Variants in WDFY3 observed in about 807,000 individuals in gnomAD.
WDFY3 encodes WD repeat and FYVE domain containing 3.
A neutral mutation model predicts 409.6 loss-of-function variants in WDFY3; 66 were observed. That is an observed-to-expected ratio of 0.16 (90% confidence interval 0.13 to 0.20). The LOEUF (loss-of-function observed/expected upper bound fraction) is 0.20. Ranked by LOEUF, WDFY3 falls within the 10% of genes least tolerant of loss-of-function variation. WDFY3 has a pLI of 1.00. For synonymous variants in WDFY3, 1,521 were observed against 1,537.1 expected (o/e 0.99, Z 0.25); for missense variants, 3,031 against 4,298.1 (o/e 0.71, Z 8.24).
rs74919593 is a variant in WDFY3, at chr4:84,916,091, G to A, written c.-132+16179C>T. Among the ~76,000 whole-genome samples the A allele has an allele frequency of 3.6e-4, 55 of 152,284 alleles. 1 individual carries two copies. In the East Asian group the frequency reaches 0.01, roughly 29 times the overall value. On this transcript the variant is annotated intron_variant, in intron 2 of 67. Coordinates refer to ENST00000295888, the MANE Select transcript of WDFY3 (RefSeq NM_014991.6). ...GTTTTATCACACTGGATAGGTACAA[G>A]ACAACTATCTTTTTTGTGGACAAGC...
At position 84,737,021 on chromosome 4, in the gene WDFY3, G is replaced by A. The variant is rs796132192; in HGVS notation, c.6757+163C>T. Among the ~76,000 whole-genome samples the A allele has an allele frequency of 7.6e-3, 1,130 of 149,212 alleles. 12 individuals carry two copies. Among genetic ancestry groups the A allele is most frequent in the African/African-American group, 0.026 (1,070 of 40,412 alleles). Reference sequence around the variant, plus strand: ...AAAAAAAAAAAAAAAAAATCAAAGAGAACTAAGATCTCAGTATAATCATTC... The same window carrying A: ...AAAAAAAAAAAAAAAAAATCAAAGAAAACTAAGATCTCAGTATAATCATTC... On this transcript the variant is annotated intron_variant, in intron 41 of 67. Coordinates refer to ENST00000295888, the MANE Select transcript of WDFY3 (RefSeq NM_014991.6).
intron 59 of WDFY3, 91 bp from the exon 60 acceptor site, chr4:84,691,876 A>C: frequency 7.9e-7 from 1 of 1,267,566 alleles, no homozygotes; most frequent in Non-Finnish European, 1.1e-6. Flanking sequence ...TATTCATATA[A>C]ATCAAGCATC....
chr4:84,935,223 T>G (rs777110375), intron 1 of WDFY3, among the ~76,000 whole-genome samples: 1 of 152,202 alleles, frequency 6.6e-6, no homozygotes, highest in African/African-American at 2.4e-5. Context: ...TCCGAGTTTC[T>G]CTTAAGTACA....
chr4:84,787,907 A>G (rs1459924107), intron 22 of WDFY3, among the ~76,000 whole-genome samples, 194 bp from the exon 23 acceptor site: 2 of 152,182 alleles, frequency 1.3e-5, no homozygotes, highest in Non-Finnish European at 2.9e-5. Flanking sequence ...TAGTAGCTAA[A>G]ACTTTTATCC....
At chr4:84,946,218 T>C (rs1049174723) in intron 1 of WDFY3, among the ~76,000 whole-genome samples, 2 of 152,156 alleles carry the variant, frequency 1.3e-5, no homozygotes, top group African/African-American at 4.8e-5. Flanking sequence ...AAATATGTAA[T>C]CTGAAGTGAA....
intron 28 of WDFY3, 41 bp downstream of exon 28, chr4:84,775,024 T>A: frequency 1.2e-6 from 2 of 1,613,538 alleles, no homozygotes; most frequent in Non-Finnish European, 1.7e-6. Flanking sequence ...TATCACCTTT[T>A]CTATAGCTGA....
At chr4:84,768,224 T>C (rs934715916) in intron 30 of WDFY3, among the ~76,000 whole-genome samples, 4 of 152,254 alleles carry the variant, frequency 2.6e-5, no homozygotes, top group Non-Finnish European at 4.4e-5. Context: ...TGCAGTAAGT[T>C]ATACAGAAGA....
chr4:84,827,959 A>G (rs1755094442), intron 9 of WDFY3, among the ~76,000 whole-genome samples: 1 of 151,960 alleles, frequency 6.6e-6, no homozygotes, highest in South Asian at 2.1e-4. Flanking sequence ...AATAAATAAA[A>G]TATAGCTGGG....
intron 3 of WDFY3, among the ~76,000 whole-genome samples, chr4:84,865,173 G>A (rs759438583): frequency 5.9e-5 from 9 of 152,126 alleles, no homozygotes; most frequent in Middle Eastern, 3.2e-3. Context: ...ACAGGTATGA[G>A]CCACCGCACC....
At position 84,699,492 on chromosome 4, in the gene WDFY3, G is replaced by A. The variant is rs186101720; in HGVS notation, c.8597-2669C>T. On this transcript the variant is annotated intron_variant, in intron 56 of 67. Coordinates refer to ENST00000295888, the MANE Select transcript of WDFY3 (RefSeq NM_014991.6). ...GACATCTGGGCTGTTTCTGCCATTC[G>A]GTTATTGTGAATAATGCTACTATGA... 6.6e-5 allele frequency among the ~76,000 whole-genome samples: 10 copies of A among 152,204 alleles called. No individual in the cohort carries two copies. The East Asian group carries it at 1.5e-3, about 23-fold the overall frequency.
intron 4 of WDFY3, among the ~76,000 whole-genome samples, chr4:84,859,965 A>G (rs1282882047): frequency 6.6e-6 from 1 of 152,258 alleles, no homozygotes; most frequent in African/African-American, 2.4e-5. Context: ...TGAATTATCT[A>G]TAGCCTATAA....
chr4:84,913,845 C>T (rs1435149851), intron 2 of WDFY3, among the ~76,000 whole-genome samples: 2 of 152,048 alleles, frequency 1.3e-5, no homozygotes, highest in Admixed American at 1.3e-4. Flanking sequence ...CTCCCCTTCC[C>T]TTCCCTTCCA....
In WDFY3 at chr4:84,678,237, G is replaced by C. The variant is rs764244833; in HGVS notation, c.10190C>G (p.Thr3397Ser). ...ERQLVFRSKL[T>S]MHTAFDRKDN... is the part of the protein sequence containing the mutation. ...CTTTCGATCAAAGGCTGTGTGCATA[G>C]TCAGCTTACTCCTGAACACCAGCTG... The change falls in exon 66 of 68, where the codon ACT becomes AGT. Residue 3397 changes from threonine to serine, a missense_variant. This residue lies in a region of WDFY3 where 378 missense variants were observed against 477.3 expected (regional missense o/e 0.79). Coordinates refer to ENST00000295888, the MANE Select transcript of WDFY3 (RefSeq NM_014991.6). 3 of 1,614,126 alleles carry C rather than the reference G, an allele frequency of 1.9e-6. No homozygotes were observed. Among genetic ancestry groups the C allele is most frequent in the Non-Finnish European group, 2.5e-6 (3 of 1,180,024 alleles).
intron 21 of WDFY3, among the ~76,000 whole-genome samples, chr4:84,790,992 C>T (rs1311716281): frequency 6.6e-6 from 1 of 151,956 alleles, no homozygotes; most frequent in African/African-American, 2.4e-5. Flanking sequence ...AAACTGGAAC[C>T]CTTGCGCACT....
chr4:84,965,161 T>TA (rs1448724554), intron 1 of WDFY3, among the ~76,000 whole-genome samples: 6 of 152,208 alleles, frequency 3.9e-5, no homozygotes, highest in Non-Finnish European at 5.9e-5. Flanking sequence ...CGTCGCCTGA[T>TA]AGTCGAAACC....
intron 2 of WDFY3, among the ~76,000 whole-genome samples, chr4:84,906,704 G>A: frequency 6.6e-6 from 1 of 151,688 alleles, no homozygotes; most frequent in Admixed American, 6.6e-5. Context: ...GCTGCATATG[G>A]CCCAGGAAAG....
Position 84,766,284 on chromosome 4 carries a change from A to G in WDFY3, c.4938T>C (p.Tyr1646=), listed in dbSNP as rs1336716701. The G allele has an allele frequency of 3.1e-6, 5 of 1,595,714 alleles. No homozygotes were observed. The African/African-American group carries it at 4.1e-5, about 13-fold the overall frequency. ...RLLDILLKLI[Y]TSKEKTSINL... is the part of the protein sequence containing the mutation. ...TAATGCTTGTCTTTTCTTTAGATGTATAAATTAGTTTTAGCAAGATATCCA... is the reference window on the plus strand; with the variant it reads ...TAATGCTTGTCTTTTCTTTAGATGTGTAAATTAGTTTTAGCAAGATATCCA... The change falls in exon 31 of 68, where the codon TAT becomes TAC. Residue 1646 remains tyrosine, a synonymous_variant. Coordinates refer to ENST00000295888, the MANE Select transcript of WDFY3 (RefSeq NM_014991.6).
intron 27 of WDFY3, 35 bp from the exon 28 acceptor site, chr4:84,775,173 T>A: frequency 6.3e-7 from 1 of 1,585,978 alleles, no homozygotes; most frequent in South Asian, 1.1e-5. Context: ...TATTTAAGGT[T>A]AAAAAAAATG....
At chr4:84,735,184 C>T in intron 42 of WDFY3, 64 bp from the exon 43 acceptor site, 4 of 1,427,252 alleles carry the variant, frequency 2.8e-6, no homozygotes, top group Non-Finnish European at 3.9e-6. Context: ...TAGTTAATTA[C>T]CCTTGAAATT....
Sources: gnomAD v4.1 joint callset for allele counts (sites outside exome capture counted in the v4.1 genomes callset) on GRCh38, gnomAD v4.1.1 for gene constraint, gnomAD v4.1.1 regional missense constraint, MANE v1.5 for transcripts, NCBI Gene and HGNC (gene_info 2026-07-23, HGNC 2026-07-21) for gene names.